Variants in NDRG2 observed in about 807,000 individuals in gnomAD.
The protein encoded by NDRG2 is NDRG family member 2, also known as protein NDRG2.
A neutral mutation model predicts 58.2 loss-of-function variants in NDRG2; 34 were observed. The ratio of observed to expected loss-of-function variants is 0.58; its 90% confidence interval spans 0.44 to 0.78. The LOEUF (loss-of-function observed/expected upper bound fraction) is 0.78. NDRG2 is among the 30% of genes least tolerant of loss of function. The pLI is 0.00. For missense variants in NDRG2, 434 were observed against 471.2 expected, an observed-to-expected ratio of 0.92 and a Z score of 0.73; for synonymous variants, 187 against 175.9, an observed-to-expected ratio of 1.06 and a Z score of -0.50.
At chr14:21,038,817 C>T (rs1242079984) in intron 1 of NDRG2, among the ~76,000 whole-genome samples, 9 of 152,156 alleles carry the variant, frequency 5.9e-5, no homozygotes, top group Non-Finnish European at 8.8e-5. Flanking sequence ...CTTGTCTAAA[C>T]GCATTGGTCT....
intron 1 of NDRG2, among the ~76,000 whole-genome samples, chr14:21,061,096 AAAG>A (rs1351596983): frequency 6.6e-6 from 1 of 152,230 alleles, no homozygotes; most frequent in Non-Finnish European, 1.5e-5. Context: ...ATAAGATAGA[AAAG>A]AAGAAGAAAC....
At chr14:21,036,448 A>C (rs1422497553) in intron 1 of NDRG2, among the ~76,000 whole-genome samples, 1 of 152,178 alleles carries the variant, frequency 6.6e-6, no homozygotes, top group Non-Finnish European at 1.5e-5. Flanking sequence ...AACATGCAAA[A>C]AAATTCATAA....
At position 21,070,787 on chromosome 14, in the gene NDRG2, A is replaced by AC. The variant is rs891285732; in HGVS notation, c.24+40dup. ...ACCCCTGCGGGTTGGTCCTGCAGCGACCCTGGAAGAGGCCCGGCCCCTCGG... is the reference window on the plus strand; with the variant it reads ...ACCCCTGCGGGTTGGTCCTGCAGCGACCCCTGGAAGAGGCCCGGCCCCTCGG... On this transcript the variant is annotated intron_variant, in intron 1 of 14. Coordinates refer to the NDRG2 transcript ENST00000403829. This position sits in a 1 kb window ranked among gnomAD's most constrained non-coding sequence, Gnocchi z 4.7. 9.8e-6 allele frequency: 15 copies of AC among 1,533,502 alleles called. No homozygotes were observed. Among genetic ancestry groups the AC allele is most frequent in the Non-Finnish European group, 1.3e-5 (15 of 1,145,980 alleles). 95.0% of individuals were successfully genotyped at this position (1,533,502 alleles called of 1,614,324 possible).
upstream of NDRG2, chr14:21,030,451 G>A: frequency 3.3e-6 from 3 of 905,760 alleles, no homozygotes; most frequent in East Asian, 2.7e-5. Context: ...CAACAGGGAA[G>A]AGGGGAGCTG....
At position 21,022,048 on chromosome 14, in the gene NDRG2, G is replaced by A. The variant is rs879511619; in HGVS notation, c.344+14C>T. 11 of 1,613,898 alleles carry A rather than the reference G, an allele frequency of 6.8e-6. No homozygotes were observed. Among genetic ancestry groups the A allele is most frequent in the South Asian group, 2.2e-5 (2 of 91,048 alleles). On this transcript the variant is annotated intron_variant, in intron 5 of 15. Coordinates refer to ENST00000556147, the MANE Select transcript of NDRG2 (RefSeq NM_001320329.2). Reference sequence around the variant, plus strand: ...CCTCACAGTCTGGTGAAGCAGTAACGACCTAACTCTTACCCCAAAGGGAAC... The same window carrying A: ...CCTCACAGTCTGGTGAAGCAGTAACAACCTAACTCTTACCCCAAAGGGAAC...
chr14:21,031,087 A>G (rs748016495), intron 1 of NDRG2: 1 of 1,614,146 alleles, frequency 6.2e-7, no homozygotes, highest in Non-Finnish European at 8.5e-7. Context: ...AGCGCTTCAA[A>G]GGGAAGAGTC....
intron 1 of NDRG2, chr14:21,032,337 A>T (rs1249177040): frequency 1.7e-6 from 1 of 574,764 alleles, no homozygotes; most frequent in South Asian, 1.5e-5. Flanking sequence ...CAAGAACAGG[A>T]TGGAAGAATA....
At chr14:21,037,149 G>A (rs551382348) in intron 1 of NDRG2, among the ~76,000 whole-genome samples, 171 of 152,166 alleles carry the variant, frequency 1.1e-3, no homozygotes, top group Admixed American at 1.8e-3. Context: ...CACTTCTGCC[G>A]CACAATTACA....
intron 11 of NDRG2, 129 bp from the exon 12 acceptor site, chr14:21,018,943 G>T: frequency 7.6e-7 from 1 of 1,309,030 alleles, no homozygotes; most frequent in East Asian, 2.4e-5. Context: ...CCCTGCTGAT[G>T]CCACCAAGAG....
chr14:21,053,675 A>G (rs1228979965), intron 1 of NDRG2, among the ~76,000 whole-genome samples: 1 of 152,034 alleles, frequency 6.6e-6, no homozygotes. Flanking sequence ...GTGGTGGTGC[A>G]GGCCTGTAGT....
intron 6 of NDRG2, chr14:21,021,459 A>T: frequency 3.1e-6 from 1 of 321,362 alleles, no homozygotes; most frequent in Non-Finnish European, 6.0e-6. Context: ...AGGTGTGGGC[A>T]TGAAGGAGAG....
intron 3 of NDRG2, 110 bp downstream of exon 3, chr14:21,022,754 A>C: frequency 9.2e-7 from 1 of 1,081,652 alleles, no homozygotes; most frequent in Non-Finnish European, 1.4e-6. Context: ...AAGGACTAGA[A>C]TAGAAGGAAA....
chr14:21,039,619 G>A (rs561842155), intron 1 of NDRG2, among the ~76,000 whole-genome samples: 1 of 152,300 alleles, frequency 6.6e-6, no homozygotes, highest in Non-Finnish European at 1.5e-5. Context: ...GCAGATCTTG[G>A]AAGCTGGATA....
rs771224741 is a variant in NDRG2, at chr14:21,023,228, G to C, written c.75+13C>G. On this transcript the variant is annotated intron_variant, in intron 2 of 15. Transcript: ENST00000556147. Reference sequence around the variant, plus strand: ...TGGAATTTGGGCATGGGAGTCAAACGGTCTCTAATAACCTTGGCCGCCTCA... The same window carrying C: ...TGGAATTTGGGCATGGGAGTCAAACCGTCTCTAATAACCTTGGCCGCCTCA... The C allele has an allele frequency of 4.3e-6, 7 of 1,612,510 alleles. No homozygotes were observed. Among genetic ancestry groups the C allele is most frequent in the East Asian group, 2.2e-5 (1 of 44,870 alleles).
At chr14:21,049,234 T>G (rs1399177773) in intron 1 of NDRG2, among the ~76,000 whole-genome samples, 1 of 152,164 alleles carries the variant, frequency 6.6e-6, no homozygotes, top group Non-Finnish European at 1.5e-5. Context: ...AGGCTTACTA[T>G]CCCCTCACTT....
upstream of NDRG2, chr14:21,030,716 C>A: frequency 6.2e-7 from 1 of 1,614,156 alleles, no homozygotes; most frequent in Non-Finnish European, 8.5e-7. Context: ...GCAAGACAGT[C>A]ACCTCCACGG....
At chr14:21,026,627 C>T (rs1883667410), upstream of NDRG2, among the ~76,000 whole-genome samples, 1 of 151,980 alleles carries the variant, frequency 6.6e-6, no homozygotes, top group Non-Finnish European at 1.5e-5. Flanking sequence ...GGAGGTGACC[C>T]ACAGTAGGAA....
At position 21,020,908 on chromosome 14, in the gene NDRG2, C is replaced by G. The variant is rs1879827971; in HGVS notation, c.408-64G>C. 7.3e-6 allele frequency: 11 copies of G among 1,515,538 alleles called. No individual in the cohort carries two copies. In the South Asian group the frequency reaches 1.1e-4, roughly 15 times the overall value. The allele number at this position is 1,515,538 out of a possible 1,614,324, so 93.9% of individuals were successfully genotyped here. Reference sequence around the variant, plus strand: ...CTGTCCAAAACCTGCCACAGCCCATCTCTTCAAACTCTTCACCCTCCCTCC... The same window carrying G: ...CTGTCCAAAACCTGCCACAGCCCATGTCTTCAAACTCTTCACCCTCCCTCC... On this transcript the variant is annotated intron_variant, in intron 6 of 15. Transcript: ENST00000556147.
At chr14:21,032,472 G>C in intron 1 of NDRG2, 1 of 390,588 alleles carries the variant, frequency 2.6e-6, no homozygotes, top group East Asian at 7.2e-5. Flanking sequence ...CTCACGTGAT[G>C]GACTATGACT....
Sources: allele counts gnomAD v4.1 joint callset (sites outside exome capture counted in the v4.1 genomes callset), GRCh38; gene constraint gnomAD v4.1.1; non-coding constraint Gnocchi (gnomAD v3.1); transcripts MANE v1.5; gene names NCBI Gene and HGNC (gene_info 2026-07-23, HGNC 2026-07-21).